Variants in ZNF486 observed in about 807,000 individuals in gnomAD.
ZNF486 encodes zinc finger protein 486.
ZNF486 carries 12 observed loss-of-function variants against 12.8 expected under a neutral mutation model. The ratio of observed to expected loss-of-function variants is 0.94; its 90% CI spans 0.60 to 1.52. The LOEUF (loss-of-function observed/expected upper bound fraction) is 1.52. ZNF486 is among the 40% of genes most tolerant of loss of function. The pLI is 0.00. For missense variants in ZNF486, 738 were observed against 545.0 expected, an observed-to-expected ratio of 1.35 and a Z score of -3.53; for synonymous variants, 231 against 184.9, an observed-to-expected ratio of 1.25 and a Z score of -2.02.
At chr19:20,195,974 A>G (rs1470604452) in intron 3 of ZNF486, among the ~76,000 whole-genome samples, 2 of 152,196 alleles carry the variant, frequency 1.3e-5, no homozygotes, top group Admixed American at 6.5e-5. Flanking sequence ...GTATGTGCCA[A>G]TGTTTCTTGT....
intron 1 of ZNF486, among the ~76,000 whole-genome samples, chr19:20,172,825 T>A (rs2089664282): frequency 6.6e-6 from 1 of 151,814 alleles, no homozygotes; most frequent in Non-Finnish European, 1.5e-5. Flanking sequence ...GTATTTTTAG[T>A]AGAGACGAGG....
rs868952649 is a variant in ZNF486 at position 20,184,290 on chromosome 19, C to T, written c.31-66C>T. On this transcript the variant is annotated intron_variant, in intron 1 of 3. Coordinates refer to ENST00000335117, the MANE Select transcript of ZNF486 (RefSeq NM_052852.4). ...AATCAGTTCTCTTACTCTCTCATTT[C>T]ACCTTAAATTAAAAATTCCACCAAC... 4.4e-6 allele frequency: 7 copies of T among 1,601,234 alleles called. No homozygotes were observed. In the South Asian group the frequency reaches 6.6e-5, roughly 15 times the overall value.
chr19:20,177,900 A>G (rs2089739616), intron 1 of ZNF486, among the ~76,000 whole-genome samples: 1 of 145,632 alleles, frequency 6.9e-6, no homozygotes, highest in African/African-American at 2.6e-5. Context: ...CTGTTCTATT[A>G]TTGTGGAGTT....
At chr19:20,176,284 T>C (rs1005848658) in intron 1 of ZNF486, 112 of 173,666 alleles carry the variant, frequency 6.4e-4, no homozygotes, top group African/African-American at 2.6e-3. Context: ...TGGGAAGAGG[T>C]GCTCGTCACT....
rs781832830 is a variant in ZNF486 at position 20,198,069 on chromosome 19, G to A, written c.1359G>A (p.Lys453=). The A allele has an allele frequency of 8.1e-6, 13 of 1,605,108 alleles. No homozygotes were observed. Among genetic ancestry groups the A allele is most frequent in the African/African-American group, 1.3e-5 (1 of 74,474 alleles). ...GGTCCTCAGACCTTAATAAACATAAGAGAATTCATATTGGACAGAAACCAA... is the reference window on the plus strand; with the variant it reads ...GGTCCTCAGACCTTAATAAACATAAAAGAATTCATATTGGACAGAAACCAA... ...FNWSSDLNKH[K]RIHIGQKPRT The change falls in exon 4 of 4, where the codon AAG becomes AAA. Residue 453 remains lysine, a synonymous_variant. Transcript: ENST00000335117.
At chr19:20,191,626 C>T (rs1403730142) in intron 3 of ZNF486, among the ~76,000 whole-genome samples, 1 of 150,350 alleles carries the variant, frequency 6.7e-6, no homozygotes, top group African/African-American at 2.4e-5. Context: ...AAAAATTAGC[C>T]GGGCATGGTG....
chr19:20,192,001 T>C (rs1205531096), intron 3 of ZNF486, among the ~76,000 whole-genome samples: 1 of 152,274 alleles, frequency 6.6e-6, no homozygotes, highest in East Asian at 1.9e-4. Flanking sequence ...TGATGTTATA[T>C]ACACATATAC....
intron 1 of ZNF486, among the ~76,000 whole-genome samples, chr19:20,169,663 G>C (rs1259219164): frequency 2.0e-5 from 3 of 152,006 alleles, no homozygotes; most frequent in African/African-American, 7.2e-5. Context: ...GTAAAAAAAT[G>C]AATTAGTATT....
chr19:20,172,718 C>A (rs1323104422), intron 1 of ZNF486, among the ~76,000 whole-genome samples: 2 of 151,008 alleles, frequency 1.3e-5, no homozygotes, highest in African/African-American at 4.9e-5. Flanking sequence ...CGGCTCACTG[C>A]AACCTCTGCC....
intron 1 of ZNF486, chr19:20,176,090 GGT>G (rs2089709463): frequency 5.4e-6 from 1 of 185,890 alleles, no homozygotes; most frequent in South Asian, 8.4e-5. Flanking sequence ...CCAGGCAGAG[GGT>G]CTCCTCACCT....
chr19:20,185,957 G>T (rs782558577), intron 2 of ZNF486, 30 bp from the exon 3 acceptor site: 2 of 1,421,248 alleles, frequency 1.4e-6, no homozygotes, highest in Admixed American at 4.6e-5. Context: ...ATATAAGCAA[G>T]ATTAATGCTA....
rs782300626 is a variant in ZNF486, at chr19:20,175,331, A to ATTTTTTTTTTTTTTTTTTTTTTTTT, written c.30+7990_30+7991insTTTTTTTTTTTTTTTTTTTTTTTTT. The stretch of plus-strand genomic sequence containing the variant: ...GGTGTCTGTTTCAGAAGCCCTATTA[A>ATTTTTTTTTTTTTTTTTTTTTTTTT]TTTTTTTTTTTTTTTTTTTATTGAT... On this transcript the variant is annotated intron_variant, in intron 1 of 3. Coordinates refer to ENST00000335117, the MANE Select transcript of ZNF486 (RefSeq NM_052852.4). 5.1e-4 allele frequency: 61 copies of ATTTTTTTTTTTTTTTTTTTTTTTTT among 119,860 alleles called. 1 individual carries two copies. Among genetic ancestry groups the ATTTTTTTTTTTTTTTTTTTTTTTTT allele is most frequent in the Admixed American group, 7.0e-4 (8 of 11,464 alleles). 7.4% of individuals were successfully genotyped at this position (119,860 alleles called of 1,614,324 possible).
chr19:20,181,399 T>C (rs951047397), intron 1 of ZNF486, among the ~76,000 whole-genome samples: 6 of 151,620 alleles, frequency 4.0e-5, no homozygotes, highest in East Asian at 1.9e-4. Context: ...ATTAGCTGGG[T>C]GTGGTGGTGG....
intron 3 of ZNF486, among the ~76,000 whole-genome samples, chr19:20,193,912 C>A (rs1250797096): frequency 1.3e-5 from 2 of 151,686 alleles, no homozygotes; most frequent in African/African-American, 4.8e-5. Flanking sequence ...TACATAAAAC[C>A]TAAAAGATCC....
At chr19:20,192,039 C>T (rs552312898) in intron 3 of ZNF486, among the ~76,000 whole-genome samples, 3 of 151,960 alleles carry the variant, frequency 2.0e-5, no homozygotes, top group South Asian at 2.1e-4. Context: ...ATATAGTTAC[C>T]GATTCCTGGT....
intron 3 of ZNF486, among the ~76,000 whole-genome samples, chr19:20,190,399 T>G (rs1401015281): frequency 6.6e-6 from 1 of 152,244 alleles, no homozygotes; most frequent in Non-Finnish European, 1.5e-5. Context: ...GATTTGTTGT[T>G]GTTTTAAGAC....
chr19:20,196,957 C>T lies in ZNF486; in HGVS notation c.254-7C>T. 6.5e-7 allele frequency: 1 copy of T among 1,530,280 alleles called. No homozygotes were observed. Among genetic ancestry groups the T allele is most frequent in the East Asian group, 2.3e-5 (1 of 44,258 alleles). The allele number at this position is 1,530,280 out of a possible 1,614,324, so 94.8% of individuals were successfully genotyped here. A position where few individuals can be genotyped will look rare whatever the true frequency, so the allele number is the denominator to read the frequency against. On this transcript the variant is annotated splice_region_variant and splice_polypyrimidine_tract_variant and intron_variant, in intron 3 of 3. Coordinates refer to ENST00000335117, the MANE Select transcript of ZNF486 (RefSeq NM_052852.4). ...TTGAAGTAATGTGTTTTTATTGTTT[C>T]TTTCAGTTGTGTGTTCTCATTTTGC...
chr19:20,187,419 C>T (rs1555716645), intron 3 of ZNF486, among the ~76,000 whole-genome samples: 1 of 151,066 alleles, frequency 6.6e-6, no homozygotes, highest in Non-Finnish European at 1.5e-5. Flanking sequence ...TCCAGTGCTA[C>T]ATTAAAATAG....
chr19:20,186,635 A>G (rs1473806262), intron 3 of ZNF486, among the ~76,000 whole-genome samples: 5 of 152,126 alleles, frequency 3.3e-5, no homozygotes, highest in African/African-American at 1.2e-4. Context: ...AAGTTATTTT[A>G]GTATCACGTA....
Sources: allele counts gnomAD v4.1 joint callset (sites outside exome capture counted in the v4.1 genomes callset), GRCh38; gene constraint gnomAD v4.1.1; transcripts MANE v1.5; gene names NCBI Gene and HGNC (gene_info 2026-07-23, HGNC 2026-07-21).